Variants in SGCZ observed in about 807,000 individuals in gnomAD.
SGCZ encodes the protein zeta-sarcoglycan.
SGCZ carries 40 observed loss-of-function variants against 41.3 expected under a neutral mutation model. The ratio of observed to expected loss-of-function variants is 0.97; its 90% CI spans 0.75 to 1.26. SGCZ has a LOEUF of 1.26. SGCZ is among the 50% of genes most tolerant of loss of function. SGCZ has a pLI of 0.00. For synonymous variants in SGCZ, 206 were observed against 137.5 expected, an observed-to-expected ratio of 1.50 and a Z score of -3.49; for missense variants, 552 against 369.8, an observed-to-expected ratio of 1.49 and a Z score of -4.04.
At chr8:15,217,267 A>C (rs1400635532) in intron 1 of SGCZ, among the ~76,000 whole-genome samples, 1 of 151,546 alleles carries the variant, frequency 6.6e-6, no homozygotes, top group Non-Finnish European at 1.5e-5. Context: ...AATACAAAAA[A>C]TTAGCCGGGC....
chr8:14,826,413 T>C (rs1802318701), intron 1 of SGCZ, among the ~76,000 whole-genome samples: 1 of 152,180 alleles, frequency 6.6e-6, no homozygotes, highest in Admixed American at 6.5e-5. Context: ...TGTGTCTTTG[T>C]AGCAGCATCA....
At chr8:14,780,459 A>C (rs1037477755) in intron 1 of SGCZ, among the ~76,000 whole-genome samples, 1 of 152,122 alleles carries the variant, frequency 6.6e-6, no homozygotes, top group African/African-American at 2.4e-5. Context: ...AACCTAAAGA[A>C]TTTCATATAG....
At chr8:14,511,093 A>T (rs533514022) in intron 2 of SGCZ, among the ~76,000 whole-genome samples, 1 of 152,016 alleles carries the variant, frequency 6.6e-6, no homozygotes, top group African/African-American at 2.4e-5. Flanking sequence ...AGGATGAATT[A>T]TGTGTCACAA....
At chr8:14,499,083 T>G (rs899379688) in intron 2 of SGCZ, among the ~76,000 whole-genome samples, 133 of 152,162 alleles carry the variant, frequency 8.7e-4, no homozygotes, top group Middle Eastern at 3.4e-3. Context: ...CTTATTATTT[T>G]ATTTTAGTTG....
intron 4 of SGCZ, among the ~76,000 whole-genome samples, chr8:14,169,046 A>G (rs989780265): frequency 1.3e-5 from 2 of 152,146 alleles, no homozygotes; most frequent in East Asian, 3.9e-4. Flanking sequence ...TAGAGTTAGG[A>G]TTCAAGCCAA....
chr8:14,454,519 A>G (rs1001985310), intron 2 of SGCZ, among the ~76,000 whole-genome samples: 2 of 152,178 alleles, frequency 1.3e-5, no homozygotes, highest in Admixed American at 6.6e-5. Context: ...TAAAATACCA[A>G]TAATCTATAT....
At chr8:14,166,624 A>G (rs1029645407) in intron 4 of SGCZ, among the ~76,000 whole-genome samples, 6 of 152,172 alleles carry the variant, frequency 3.9e-5, no homozygotes, top group Admixed American at 3.3e-4. Context: ...CTCAAAATAT[A>G]TCGCTGACTT....
intron 4 of SGCZ, among the ~76,000 whole-genome samples, chr8:14,174,295 T>A (rs1216000457): frequency 3.3e-5 from 5 of 152,122 alleles, no homozygotes; most frequent in Non-Finnish European, 7.4e-5. Context: ...TTTATCAGAA[T>A]AATGAGTCCA....
intron 1 of SGCZ, among the ~76,000 whole-genome samples, chr8:15,221,650 A>G (rs1801606760): frequency 6.6e-6 from 1 of 152,176 alleles, no homozygotes; most frequent in Non-Finnish European, 1.5e-5. Context: ...ACTGTTATGC[A>G]GTAGGAAGAA....
At position 14,252,582 on chromosome 8, in the gene SGCZ, G is replaced by C. The variant is rs182185540; in HGVS notation, c.337-14903C>G. 2.0e-5 allele frequency among the ~76,000 whole-genome samples: 3 copies of C among 152,236 alleles called. No individual in the cohort carries two copies. The East Asian group carries it at 5.8e-4, about 29-fold the overall frequency. The stretch of plus-strand genomic sequence containing the variant: ...AAATGTGAGAAGCCTAAGGAACCAG[G>C]ATTAAGGGTTAAGGAAGCATTCTTC... On this transcript the variant is annotated intron_variant, in intron 3 of 7. Coordinates refer to ENST00000382080, the MANE Select transcript of SGCZ (RefSeq NM_139167.4).
At chr8:14,355,019 T>C (rs1228154292) in intron 2 of SGCZ, among the ~76,000 whole-genome samples, 1 of 152,000 alleles carries the variant, frequency 6.6e-6, no homozygotes, top group Non-Finnish European at 1.5e-5. Flanking sequence ...AGTTTTTCAA[T>C]TTCAATTTGG....
intron 4 of SGCZ, among the ~76,000 whole-genome samples, chr8:14,230,867 T>C (rs1369903322): frequency 6.6e-6 from 1 of 151,930 alleles, no homozygotes; most frequent in Non-Finnish European, 1.5e-5. Context: ...CTTAAATTTG[T>C]GAAACACGAA....
intron 6 of SGCZ, among the ~76,000 whole-genome samples, chr8:14,103,337 G>A (rs999093788): frequency 6.6e-6 from 1 of 152,166 alleles, no homozygotes. Flanking sequence ...AGGATGAGAA[G>A]AGGTAGGATC....
intron 3 of SGCZ, among the ~76,000 whole-genome samples, chr8:14,273,223 C>T (rs7818984): frequency 0.93 from 141,865 of 152,196 alleles, 66,819 homozygotes; most frequent in East Asian, 1. Context: ...ATAAAATGTA[C>T]TTTTGCATAT....
intron 2 of SGCZ, among the ~76,000 whole-genome samples, chr8:14,512,037 A>C (rs1280244172): frequency 6.6e-6 from 1 of 152,182 alleles, no homozygotes; most frequent in Non-Finnish European, 1.5e-5. Context: ...CTTGGATGTG[A>C]AATTTTCTAG....
intron 1 of SGCZ, among the ~76,000 whole-genome samples, chr8:14,609,575 C>T: frequency 6.6e-6 from 1 of 152,256 alleles, no homozygotes; most frequent in Middle Eastern, 3.4e-3. Flanking sequence ...GAGGTTCAGA[C>T]ACATGATAAA....
chr8:14,102,778 T>C (rs1802073710), intron 6 of SGCZ, among the ~76,000 whole-genome samples: 1 of 152,306 alleles, frequency 6.6e-6, no homozygotes, highest in African/African-American at 2.4e-5. Context: ...ATGGTTTCTT[T>C]TGTTGTTTCC....
intron 1 of SGCZ, among the ~76,000 whole-genome samples, chr8:14,559,466 C>T (rs1804141260): frequency 6.6e-6 from 1 of 152,022 alleles, no homozygotes. Flanking sequence ...CAAAACACTA[C>T]CGAAAGAAAT....
chr8:14,309,517 G>A, intron 3 of SGCZ: 1 of 1,609,450 alleles, frequency 6.2e-7, no homozygotes, highest in Non-Finnish European at 8.5e-7. Flanking sequence ...GAGCAGTGTG[G>A]ACTACTGAAT....
Sources: allele counts gnomAD v4.1 joint callset (sites outside exome capture counted in the v4.1 genomes callset), GRCh38; gene constraint gnomAD v4.1.1; transcripts MANE v1.5; gene names NCBI Gene and HGNC (gene_info 2026-07-23, HGNC 2026-07-21).